Variants in RASSF9 observed in about 807,000 individuals in gnomAD.
RASSF9 encodes the protein ras association domain-containing protein 9.
In RASSF9, 18 loss-of-function variants were observed where a neutral mutation model predicts 21.4. The ratio of observed to expected loss-of-function variants is 0.84; its 90% CI spans 0.58 to 1.25. The LOEUF (loss-of-function observed/expected upper bound fraction) is 1.25, where lower values mean the gene tolerates loss of function less well. Among genes scored for constraint, RASSF9 ranks in the 50% most tolerant of loss-of-function variants. RASSF9 has a pLI of 0.00. For missense variants in RASSF9, 480 were observed against 503.2 expected, an observed-to-expected ratio of 0.95 and a Z score of 0.44; for synonymous variants, 183 against 179.1, an observed-to-expected ratio of 1.02 and a Z score of -0.18.
chr12:85,807,031 T>A (rs1879851237), intron 1 of RASSF9, among the ~76,000 whole-genome samples: 1 of 152,136 alleles, frequency 6.6e-6, no homozygotes, highest in Non-Finnish European at 1.5e-5. Context: ...CAGTAAATGC[T>A]ATGAAGAAAA....
At chr12:85,814,961 T>C (rs1035889574) in intron 1 of RASSF9, among the ~76,000 whole-genome samples, 2 of 152,082 alleles carry the variant, frequency 1.3e-5, no homozygotes, top group Admixed American at 6.6e-5. Flanking sequence ...GGTAGGGCTG[T>C]GAGTCAGCAC....
At chr12:85,827,849 T>C (rs1028889582) in intron 1 of RASSF9, among the ~76,000 whole-genome samples, 1 of 152,198 alleles carries the variant, frequency 6.6e-6, no homozygotes, top group African/African-American at 2.4e-5. Flanking sequence ...GTAATTACTA[T>C]CTCAAATGTC....
intron 1 of RASSF9, among the ~76,000 whole-genome samples, chr12:85,833,542 G>T (rs987092109): frequency 9.2e-5 from 14 of 151,856 alleles, no homozygotes; most frequent in African/African-American, 3.1e-4. Flanking sequence ...TATCTCATGA[G>T]GTTCAATTTT....
chr12:85,829,986 G>A (rs1880414048), intron 1 of RASSF9, among the ~76,000 whole-genome samples: 1 of 152,056 alleles, frequency 6.6e-6, no homozygotes, highest in East Asian at 1.9e-4. Flanking sequence ...TTTTGTCTTT[G>A]CATGTCTGGT....
At chr12:85,810,221 T>G (rs1482338154) in intron 1 of RASSF9, among the ~76,000 whole-genome samples, 1 of 152,020 alleles carries the variant, frequency 6.6e-6, no homozygotes, top group Non-Finnish European at 1.5e-5. Context: ...CGGCTGAGTT[T>G]CTATTCATTT....
Position 85,836,309 on chromosome 12 carries a change from TCTC to T in RASSF9, c.-111_-109del, listed in dbSNP as rs1880563675. The T allele has an allele frequency of 2.0e-6, 3 of 1,534,862 alleles. No homozygotes were observed. The highest frequency in any genetic ancestry group is 1.4e-5 in the African/African-American group (1 of 72,598). On this transcript the variant is annotated 5_prime_UTR_variant, in exon 1 of 2. Transcript: ENST00000361228. ...GGGAGGAGGGCTGGAAGCTTTCTCT[TCTC>T]CTCGGATGTTCCTGGCTTTCAGCTC...
intron 1 of RASSF9, among the ~76,000 whole-genome samples, chr12:85,818,700 T>C (rs572603648): frequency 6.5e-4 from 99 of 151,674 alleles, no homozygotes; most frequent in African/African-American, 2.3e-3. Context: ...GTGGCTCACG[T>C]CTGTAATCCC....
At chr12:85,808,391 A>G (rs548726657) in intron 1 of RASSF9, among the ~76,000 whole-genome samples, 87 of 152,226 alleles carry the variant, frequency 5.7e-4, no homozygotes, top group Non-Finnish European at 1.0e-3. Flanking sequence ...AATATTTTGC[A>G]CTTAATGACT....
chr12:85,812,688 G>A (rs61928959), intron 1 of RASSF9, among the ~76,000 whole-genome samples: 10,621 of 151,440 alleles, frequency 0.07, 539 homozygotes, highest in Middle Eastern at 0.17. Context: ...CTGGAAAATT[G>A]TGGAAAATAT....
intron 1 of RASSF9, among the ~76,000 whole-genome samples, chr12:85,822,522 G>C (rs1025712043): frequency 1.3e-5 from 2 of 152,098 alleles, no homozygotes; most frequent in Admixed American, 6.5e-5. Flanking sequence ...AGAAACGAGA[G>C]TATATCAGGG....
intron 1 of RASSF9, among the ~76,000 whole-genome samples, chr12:85,827,957 C>T (rs548942063): frequency 6.6e-6 from 1 of 152,246 alleles, no homozygotes; most frequent in South Asian, 2.1e-4. Context: ...TTACTTTATC[C>T]TTAGCATCTA....
rs1032339186 is a variant in RASSF9 at position 85,805,002 on chromosome 12, C to T, written c.1008G>A (p.Leu336=). ...ATTTAATCTCTTTCTGGATGCCACT[C>T]AAATGAGAGTGAATTTTCAAACCAG... ...MKAGLKIHSH[L]SGIQKEIKYS... is the part of the protein sequence containing the mutation. Residue 336 remains leucine, a synonymous_variant, in exon 2 of 2, where the codon TTG becomes TTA. Coordinates refer to ENST00000361228, the MANE Select transcript of RASSF9 (RefSeq NM_005447.4). 1 of 1,613,908 alleles carries T rather than the reference C, an allele frequency of 6.2e-7. No homozygotes were observed. Among genetic ancestry groups the T allele is most frequent in the African/African-American group, 1.3e-5 (1 of 75,052 alleles).
In RASSF9 at chr12:85,804,362, ACTGT is replaced by A. The variant is rs1879767054; in HGVS notation, c.*336_*339del. ...TACTTCTTCATGTTTGAATATTTGGACTGTCTAATATTGAGGATTGCTTTTAAAG... is the reference window on the plus strand; with the variant it reads ...TACTTCTTCATGTTTGAATATTTGGACTAATATTGAGGATTGCTTTTAAAG... On this transcript the variant is annotated 3_prime_UTR_variant, in exon 2 of 2. Coordinates refer to ENST00000361228, the MANE Select transcript of RASSF9 (RefSeq NM_005447.4). 1 of 191,714 alleles carries A rather than the reference ACTGT, an allele frequency of 5.2e-6. No homozygotes were observed. The highest frequency in any genetic ancestry group is 1.1e-5 in the Non-Finnish European group (1 of 94,310). The allele number at this position is 191,714 out of a possible 1,614,324, so 11.9% of individuals were successfully genotyped here.
intron 1 of RASSF9, among the ~76,000 whole-genome samples, chr12:85,811,810 T>C (rs895164601): frequency 1.3e-5 from 2 of 151,860 alleles, no homozygotes; most frequent in African/African-American, 4.8e-5. Flanking sequence ...TCACCAGATG[T>C]CCACTTTAAG....
At chr12:85,806,521 A>C (rs1412930819) in intron 1 of RASSF9, among the ~76,000 whole-genome samples, 2 of 151,136 alleles carry the variant, frequency 1.3e-5, no homozygotes, top group East Asian at 2.0e-4. Context: ...AAAAATACAA[A>C]AATTAGCCAG....
chr12:85,826,494 C>G (rs960040803), intron 1 of RASSF9, among the ~76,000 whole-genome samples: 10 of 147,540 alleles, frequency 6.8e-5, no homozygotes, highest in African/African-American at 2.5e-4. Flanking sequence ...GTCGCCCAGG[C>G]TAGAGTGCAG....
Position 85,804,944 on chromosome 12 carries a change from C to T in RASSF9, c.1066G>A (p.Glu356Lys). Residue 356 changes from glutamate to lysine, a missense_variant, in exon 2 of 2, where the codon GAA (glutamate) becomes AAA (lysine). Transcript: ENST00000361228. Reference sequence around the variant, plus strand: ...AATTCCTTGGCCAGGAGTTCATATTCTTTTGCTTTCATCTGAAGCAATGAG... The same window carrying T: ...AATTCCTTGGCCAGGAGTTCATATTTTTTTGCTTTCATCTGAAGCAATGAG... ...SDSLLQMKAK[E>K]YELLAKEFNS... 1 of 1,613,842 alleles carries T rather than the reference C, an allele frequency of 6.2e-7. No homozygotes were observed. Among genetic ancestry groups the T allele is most frequent in the Non-Finnish European group, 8.5e-7 (1 of 1,179,784 alleles).
intron 1 of RASSF9, among the ~76,000 whole-genome samples, chr12:85,810,456 C>A (rs1879929642): frequency 6.6e-6 from 1 of 151,786 alleles, no homozygotes. Flanking sequence ...AGACTTATGA[C>A]CCTCAGCATC....
At chr12:85,820,773 T>C (rs1880189362) in intron 1 of RASSF9, among the ~76,000 whole-genome samples, 1 of 152,184 alleles carries the variant, frequency 6.6e-6, no homozygotes, top group South Asian at 2.1e-4. Context: ...AGTGTCTTCT[T>C]TAAGTTTTAG....
Sources: allele counts gnomAD v4.1 joint callset (sites outside exome capture counted in the v4.1 genomes callset), GRCh38; gene constraint gnomAD v4.1.1; transcripts MANE v1.5; gene names NCBI Gene and HGNC (gene_info 2026-07-23, HGNC 2026-07-21).